Variants in NUP188 observed in about 807,000 individuals in gnomAD.
The protein encoded by NUP188 is nucleoporin NUP188.
Under a neutral mutation model 223.0 loss-of-function variants are expected in NUP188, and 97 were observed. The ratio of observed to expected loss-of-function variants is 0.43; its 90% CI spans 0.37 to 0.51. The LOEUF (loss-of-function observed/expected upper bound fraction) is 0.51, where lower values mean the gene tolerates loss of function less well. NUP188 is among the 20% of genes least tolerant of loss of function. NUP188 has a pLI of 0.00. For missense variants in NUP188, 1,947 were observed against 2,175.6 expected, an observed-to-expected ratio of 0.89 and a Z score of 2.09; for synonymous variants, 869 against 828.0, an observed-to-expected ratio of 1.05 and a Z score of -0.85.
intron 5 of NUP188, among the ~76,000 whole-genome samples, chr9:128,957,621 C>T (rs1415983214): frequency 6.6e-6 from 1 of 152,078 alleles, no homozygotes; most frequent in African/African-American, 2.4e-5. Flanking sequence ...CCTGCCACCA[C>T]GCCCGGCTAA....
At chr9:128,999,393 G>A in intron 33 of NUP188, 76 bp downstream of exon 33, 1 of 1,545,052 alleles carries the variant, frequency 6.5e-7, no homozygotes, top group Non-Finnish European at 8.8e-7. Flanking sequence ...GCTTCCTTCA[G>A]CTTAGGGCCA....
intron 30 of NUP188, among the ~76,000 whole-genome samples, chr9:128,997,416 G>C (rs1382226905): frequency 1.3e-5 from 2 of 152,218 alleles, no homozygotes; most frequent in Admixed American, 1.3e-4. Context: ...GAGTCTCAAA[G>C]AGGAGGTGAA....
At chr9:128,960,173 C>T (rs931534593) in intron 8 of NUP188, among the ~76,000 whole-genome samples, 8 of 149,788 alleles carry the variant, frequency 5.3e-5, no homozygotes, top group African/African-American at 2.0e-4. Context: ...ACGCCATTCT[C>T]CTGCCTCAGC....
At chr9:129,001,016 G>A (rs928223712) in intron 34 of NUP188, among the ~76,000 whole-genome samples, 2 of 152,128 alleles carry the variant, frequency 1.3e-5, no homozygotes, top group Admixed American at 1.3e-4. Context: ...CAGCCTGGGG[G>A]ACAGAGCGAG....
At chr9:128,999,846 C>T (rs766579340) in intron 34 of NUP188, 41 bp downstream of exon 34, 3 of 1,581,600 alleles carry the variant, frequency 1.9e-6, no homozygotes, top group South Asian at 1.1e-5. Context: ...CTTTCCACTG[C>T]CCGCCAGCTC....
chr9:128,988,826 A>C (rs978171210), intron 24 of NUP188, among the ~76,000 whole-genome samples: 5 of 143,018 alleles, frequency 3.5e-5, no homozygotes, highest in African/African-American at 1.3e-4. Context: ...TCCTGGGTTT[A>C]AGCAATCCTC....
Position 128,967,273 on chromosome 9 carries a change from G to C in NUP188, c.586-1233G>C, listed in dbSNP as rs543949907. On this transcript the variant is annotated intron_variant, in intron 8 of 43. Coordinates refer to ENST00000372577, the MANE Select transcript of NUP188 (RefSeq NM_015354.3). ...AGTCCTCCCACTTTGGCCTCCCAAA[G>C]TATTCAAGTATTAGGCTTATAGACG... Among the ~76,000 whole-genome samples the C allele has an allele frequency of 4.9e-4, 74 of 152,258 alleles. No individual in the cohort carries two copies. The South Asian group carries it at 1.0e-2, about 20-fold the overall frequency.
In NUP188 at chr9:128,988,122, T is replaced by C; in HGVS notation, c.2469T>C (p.Asn823=). Residue 823 remains asparagine (N), a synonymous_variant, in exon 24 of 44, where the codon AAT becomes AAC. Transcript: ENST00000372577. ...TVKLAFSVTN[N]VIRLKPPSNV... ...AACTGGCATTCTCCGTCACCAACAA[T>C]GTTATTCGGCTGAAACCTCCTTCTA... is the stretch of plus-strand genomic sequence containing the variant. 1 of 1,614,220 alleles carries C rather than the reference T, an allele frequency of 6.2e-7. No individual in the cohort carries two copies. The highest frequency in any genetic ancestry group is 8.5e-7 in the Non-Finnish European group (1 of 1,180,026).
Position 128,949,175 on chromosome 9 carries a change from C to T in NUP188, c.33-14C>T. ...CAGAAAGAGCAAAATTACCTCTGTT[C>T]TCTCATTTTGCAGGAGCAGTAGAGA... is the stretch of plus-strand genomic sequence containing the variant. On this transcript the variant is annotated splice_polypyrimidine_tract_variant and intron_variant, in intron 1 of 43. Transcript: ENST00000372577. 2 of 1,605,652 alleles carry T rather than the reference C, an allele frequency of 1.2e-6. No homozygotes were observed. Among genetic ancestry groups the T allele is most frequent in the South Asian group, 2.2e-5 (2 of 90,402 alleles).
intron 14 of NUP188, 59 bp downstream of exon 14, chr9:128,980,784 A>G (rs1367737455): frequency 7.6e-6 from 12 of 1,576,450 alleles, no homozygotes; most frequent in Non-Finnish European, 1.0e-5. Context: ...AGACTTTATT[A>G]GGAATCTTTT....
At chr9:128,956,903 C>A in intron 4 of NUP188, 49 bp from the exon 5 acceptor site, 1 of 1,277,266 alleles carries the variant, frequency 7.8e-7, no homozygotes, top group South Asian at 1.3e-5. Flanking sequence ...TCTCTGCATC[C>A]TGTGTGCGAT....
At chr9:128,967,221 A>C (rs773570678) in intron 8 of NUP188, among the ~76,000 whole-genome samples, 5 of 152,068 alleles carry the variant, frequency 3.3e-5, no homozygotes, top group Non-Finnish European at 7.4e-5. Context: ...TGTTTCCCAG[A>C]CTAGTCTTGA....
chr9:128,957,711 G>A (rs1841891035), intron 5 of NUP188, among the ~76,000 whole-genome samples: 1 of 151,936 alleles, frequency 6.6e-6, no homozygotes, highest in East Asian at 1.9e-4. Context: ...TGATCCCCCC[G>A]CCTCAGCCTC....
In NUP188 at chr9:128,979,336, GT is replaced by G. The variant is rs1001322749; in HGVS notation, c.1269+10del. 6.3e-7 allele frequency: 1 copy of G among 1,596,280 alleles called. No individual in the cohort carries two copies. Among genetic ancestry groups the G allele is most frequent in the African/African-American group, 1.3e-5 (1 of 74,468 alleles). Reference sequence around the variant, plus strand: ...AACTGTTCTGGGGAACAGTAAGTATGTCAGAGAGAGTCACTGCATAGCAAAA... The same window carrying G: ...AACTGTTCTGGGGAACAGTAAGTATGCAGAGAGAGTCACTGCATAGCAAAA... On this transcript the variant is annotated intron_variant, in intron 13 of 43. Coordinates refer to ENST00000372577, the MANE Select transcript of NUP188 (RefSeq NM_015354.3).
intron 3 of NUP188, among the ~76,000 whole-genome samples, chr9:128,955,237 A>T (rs1465876800): frequency 6.6e-6 from 1 of 152,244 alleles, no homozygotes; most frequent in Non-Finnish European, 1.5e-5. Flanking sequence ...CACTCAGTTA[A>T]GGAGGCATTT....
chr9:128,960,230 AT>A lies in NUP188; in HGVS notation c.585+1102del, dbSNP rs200054067. Among the ~76,000 whole-genome samples the A allele has an allele frequency of 2.7e-3, 401 of 150,452 alleles. 7 individuals carry two copies. In the East Asian group the frequency reaches 0.042, roughly 16 times the overall value. On this transcript the variant is annotated intron_variant, in intron 8 of 43. Coordinates refer to ENST00000372577, the MANE Select transcript of NUP188 (RefSeq NM_015354.3). The stretch of plus-strand genomic sequence containing the variant: ...AGGTGCCCGCCACCACGCCCAGCTA[AT>A]TTTTTGTTTTTGTTTTTTTTGTTTT...
At chr9:128,950,109 GAC>G (rs1276996765) in intron 2 of NUP188, among the ~76,000 whole-genome samples, 1 of 151,822 alleles carries the variant, frequency 6.6e-6, no homozygotes, top group African/African-American at 2.4e-5. Context: ...TTTTAGTAGA[GAC>G]AGGGTTTTGC....
chr9:128,969,581 C>G (rs1842078037), intron 10 of NUP188, 67 bp downstream of exon 10: 1 of 818,546 alleles, frequency 1.2e-6, no homozygotes, highest in Non-Finnish European at 1.9e-6. Context: ...AATTATTGAA[C>G]TGCTGCATAA....
Position 129,006,948 on chromosome 9 carries a change from TCCCCAC to T in NUP188, c.*271_*276del, listed in dbSNP as rs1842824875. The stretch of plus-strand genomic sequence containing the variant: ...AGGAACTTTCCTTCCTTTCCAGCAT[TCCCCAC>T]AGCACTGCCGGCCAGGGGAGAGGCG... On this transcript the variant is annotated 3_prime_UTR_variant, in exon 44 of 44. Transcript: ENST00000372577. The T allele has an allele frequency of 2.7e-6, 1 of 371,922 alleles. No homozygotes were observed. Among genetic ancestry groups the T allele is most frequent in the South Asian group, 6.4e-5 (1 of 15,510 alleles). 23.0% of individuals were successfully genotyped at this position (371,922 alleles called of 1,614,324 possible). A position where few individuals can be genotyped will look rare whatever the true frequency, so the allele number is the denominator to read the frequency against.
Sources: allele counts gnomAD v4.1 joint callset (sites outside exome capture counted in the v4.1 genomes callset), GRCh38; gene constraint gnomAD v4.1.1; transcripts MANE v1.5; gene names NCBI Gene and HGNC (gene_info 2026-07-23, HGNC 2026-07-21).